SRSF1: variants seen among roughly 807,000 people sequenced by gnomAD.
The protein encoded by SRSF1 is serine/arginine-rich splicing factor 1.
In SRSF1, 1 loss-of-function variant was observed where a neutral mutation model predicts 25.9. The observed-to-expected ratio is 0.04, with a 90% CI of 0.01 to 0.18. The LOEUF (loss-of-function observed/expected upper bound fraction) is 0.18. Among genes scored for constraint, SRSF1 ranks in the 10% least tolerant of loss-of-function variants. SRSF1 has a pLI of 1.00. For synonymous variants in SRSF1, 132 were observed against 126.2 expected (o/e 1.05, Z -0.31); for missense variants, 65 against 350.5 (o/e 0.19, Z 6.50).
At chr17:57,996,915 TA>T (rs1170552064), downstream of SRSF1, among the ~76,000 whole-genome samples, 3 of 152,184 alleles carry the variant, frequency 2.0e-5, no homozygotes, top group Non-Finnish European at 4.4e-5. Context: ...CGTTATGTAT[TA>T]ATCTCTTTAT....
the SRSF1 span, chr17:57,994,187 A>G: frequency 6.6e-6 from 1 of 152,264 alleles, no homozygotes; most frequent in African/African-American, 2.4e-5. Context: ...GATTGTTTAC[A>G]TCAGAACTGA....
the SRSF1 span, chr17:57,992,086 T>C: frequency 6.6e-6 from 1 of 152,236 alleles, no homozygotes; most frequent in Non-Finnish European, 1.5e-5. Context: ...TTCATGCTTG[T>C]TGAAGGACAC....
Position 58,006,000 on chromosome 17 carries a change from G to A in SRSF1, c.380-27C>T, listed in dbSNP as rs1471123622. 3.1e-6 allele frequency: 5 copies of A among 1,596,812 alleles called. 1 individual carries two copies. Among genetic ancestry groups the A allele is most frequent in the South Asian group, 2.2e-5 (2 of 90,248 alleles). On this transcript the variant is annotated intron_variant, in intron 2 of 3. Transcript: ENST00000258962. The surrounding 1 kb of genome is among the most constrained non-coding windows in gnomAD (Gnocchi z 5.2). The stretch of plus-strand genomic sequence containing the variant: ...TGAAAAAGTGATTTTTTTTTTCTTA[G>A]TACCAATTATCTTAAATTTCACGTT...
chr17:57,997,791 C>A (rs116063842), downstream of SRSF1, among the ~76,000 whole-genome samples: 897 of 152,278 alleles, frequency 5.9e-3, 10 homozygotes, highest in South Asian at 0.03. Context: ...CGGTGGCACC[C>A]TGAAGACACA....
At chr17:58,006,568 G>T (rs760860218) in intron 1 of SRSF1, 41 bp from the exon 2 acceptor site, 13 of 1,575,178 alleles carry the variant, frequency 8.3e-6, no homozygotes, top group Non-Finnish European at 1.1e-5. Context: ...GAAACACCAG[G>T]AGGAGAAGCT....
the SRSF1 span, chr17:57,993,391 A>G: frequency 1.3e-5 from 2 of 149,974 alleles, no homozygotes; most frequent in Non-Finnish European, 1.5e-5. Flanking sequence ...CTCCGTCTCA[A>G]AAAAAAAAAA....
downstream of SRSF1, among the ~76,000 whole-genome samples, chr17:57,999,051 T>C (rs1415961131): frequency 6.6e-6 from 1 of 152,206 alleles, no homozygotes; most frequent in Non-Finnish European, 1.5e-5. Context: ...TTTCAGTAAT[T>C]TTCAGCTGTT....
chr17:57,996,575 A>G (rs1039451165), downstream of SRSF1, among the ~76,000 whole-genome samples: 1 of 152,080 alleles, frequency 6.6e-6, no homozygotes, highest in African/African-American at 2.4e-5. Flanking sequence ...GAACAGCTTA[A>G]GGGCAACATG....
chr17:58,005,342 G>T lies in SRSF1; in HGVS notation c.*64C>A, dbSNP rs976461011. On this transcript the variant is annotated 3_prime_UTR_variant, in exon 4 of 4. Coordinates refer to ENST00000258962, the MANE Select transcript of SRSF1 (RefSeq NM_006924.5). This position sits in a 1 kb window ranked among gnomAD's most constrained non-coding sequence, Gnocchi z 5.2. ...AACAGTTTGAATTAAAAAATGAAAA[G>T]ATTGTACTGAATAAAGGAAAACTGT... The T allele has an allele frequency of 7.7e-6, 12 of 1,554,798 alleles. No homozygotes were observed. Among genetic ancestry groups the T allele is most frequent in the Admixed American group, 1.8e-5 (1 of 55,882 alleles).
the SRSF1 span, among the ~76,000 whole-genome samples, chr17:57,995,684 C>A: frequency 6.6e-6 from 1 of 152,186 alleles, no homozygotes; most frequent in Non-Finnish European, 1.5e-5. Flanking sequence ...CGAGGCCTCC[C>A]AACTGGAAAA....
At chr17:57,993,237 A>C in the SRSF1 span, 1 of 152,216 alleles carries the variant, frequency 6.6e-6, no homozygotes, top group East Asian at 1.9e-4. Context: ...AAAAAATATA[A>C]AAATTAGCCG....
chr17:57,997,921 G>T (rs1232581826), downstream of SRSF1, among the ~76,000 whole-genome samples: 2 of 152,146 alleles, frequency 1.3e-5, no homozygotes, highest in Non-Finnish European at 2.9e-5. Context: ...CTAGCCTTAA[G>T]TTGTGGATGT....
At chr17:57,997,200 G>A (rs2075368694), downstream of SRSF1, among the ~76,000 whole-genome samples, 2 of 152,302 alleles carry the variant, frequency 1.3e-5, no homozygotes, top group South Asian at 4.1e-4. Context: ...GTCTTACTTT[G>A]CAAGACCAAT....
rs777475482 is a variant in SRSF1, at chr17:58,007,030, G to A, written c.108C>T (p.Phe36=). ...TGTCGCGGATAGCGCCGTATTTGTAGAACACGTCCTCAATGTCCTTGGTTC... is the reference window on the plus strand; with the variant it reads ...TGTCGCGGATAGCGCCGTATTTGTAAAACACGTCCTCAATGTCCTTGGTTC... ...DIRTKDIEDV[F]YKYGAIRDID... Residue 36 remains phenylalanine, a synonymous_variant, in exon 1 of 4, where the codon TTC becomes TTT. Coordinates refer to ENST00000258962, the MANE Select transcript of SRSF1 (RefSeq NM_006924.5). 4 of 1,614,042 alleles carry A rather than the reference G, an allele frequency of 2.5e-6. No homozygotes were observed. Among genetic ancestry groups the A allele is most frequent in the African/African-American group, 2.7e-5 (2 of 74,900 alleles).
rs565806612 is a variant in SRSF1 at position 58,001,256 on chromosome 17, A to G, written c.*4150T>C. Among the ~76,000 whole-genome samples the G allele has an allele frequency of 5.3e-5, 8 of 152,318 alleles. No individual in the cohort carries two copies. The East Asian group carries it at 1.5e-3, about 29-fold the overall frequency. On this transcript the variant is annotated 3_prime_UTR_variant, in exon 4 of 4. Transcript: ENST00000258962. ...TAATGACCAAGACAATGTTTCAAAG[A>G]CAACAAACACCAAGAAAAGTTGAGA...
downstream of SRSF1, among the ~76,000 whole-genome samples, chr17:57,996,483 T>TTAAAAAA (rs538866531): frequency 3.1e-3 from 222 of 72,382 alleles, 3 homozygotes; most frequent in Middle Eastern, 0.014. Flanking sequence ...GACACTGTCT[T>TTAAAAAA]AAAAAAAAAA....
At chr17:57,995,171 GAA>G in the SRSF1 span, among the ~76,000 whole-genome samples, 1 of 152,192 alleles carries the variant, frequency 6.6e-6, no homozygotes, top group Non-Finnish European at 1.5e-5. Context: ...TTGGAAACTG[GAA>G]GTTACCACAC....
Position 58,005,329 on chromosome 17 carries a change from T to G in SRSF1, c.*77A>C. 1 of 1,517,660 alleles carries G rather than the reference T, an allele frequency of 6.6e-7. No individual in the cohort carries two copies. Among genetic ancestry groups the G allele is most frequent in the Non-Finnish European group, 9.0e-7 (1 of 1,111,976 alleles). 94.0% of individuals were successfully genotyped at this position (1,517,660 alleles called of 1,614,324 possible). A position where few individuals can be genotyped will look rare whatever the true frequency, so the allele number is the denominator to read the frequency against. ...CCATTCTGAACAAAACAGTTTGAAT[T>G]AAAAAATGAAAAGATTGTACTGAAT... On this transcript the variant is annotated 3_prime_UTR_variant, in exon 4 of 4. Coordinates refer to ENST00000258962, the MANE Select transcript of SRSF1 (RefSeq NM_006924.5). The surrounding 1 kb of genome is among the most constrained non-coding windows in gnomAD (Gnocchi z 5.2).
the SRSF1 span, chr17:57,989,262 G>T: frequency 2.5e-6 from 1 of 398,554 alleles, no homozygotes; most frequent in South Asian, 1.3e-4. Flanking sequence ...TCACACAGAG[G>T]GAAGCTACTG....
Sources: allele counts gnomAD v4.1 joint callset (sites outside exome capture counted in the v4.1 genomes callset), GRCh38; gene constraint gnomAD v4.1.1; non-coding constraint Gnocchi (gnomAD v3.1); transcripts MANE v1.5; gene names NCBI Gene and HGNC (gene_info 2026-07-23, HGNC 2026-07-21).